Variants in CASD1 observed in about 807,000 individuals in gnomAD.
CASD1 encodes the protein CAS1 domain sialic acid O acetyltransferase 1, also known as N-acetylneuraminate (7)9-O-acetyltransferase.
In CASD1, 41 loss-of-function variants were observed where a neutral mutation model predicts 100.0. The observed-to-expected ratio is 0.41, with a 90% confidence interval of 0.32 to 0.53. The LOEUF (loss-of-function observed/expected upper bound fraction) is 0.53, where lower values mean the gene tolerates loss of function less well. Ranked by LOEUF, CASD1 falls within the 20% of genes least tolerant of loss-of-function variation. The pLI, the probability that CASD1 is intolerant of heterozygous loss-of-function variation, is 0.25. For missense variants in CASD1, 774 were observed against 948.7 expected, an observed-to-expected ratio of 0.82 and a Z score of 2.42; for synonymous variants, 321 against 315.6, an observed-to-expected ratio of 1.02 and a Z score of -0.18.
At chr7:94,559,528 T>C (rs1796305876), downstream of CASD1, among the ~76,000 whole-genome samples, 1 of 152,050 alleles carries the variant, frequency 6.6e-6, no homozygotes. Flanking sequence ...GTTTTGCTTT[T>C]GTTTTGTTTT....
At chr7:94,563,443 T>C in the CASD1 span, among the ~76,000 whole-genome samples, 1 of 152,108 alleles carries the variant, frequency 6.6e-6, no homozygotes, top group African/African-American at 2.4e-5. Flanking sequence ...CCACTTTCAA[T>C]TTTTTTCTTA....
At chr7:94,552,169 G>C in intron 15 of CASD1, 181 bp from the exon 16 acceptor site, 1 of 548,640 alleles carries the variant, frequency 1.8e-6, no homozygotes, top group Non-Finnish European at 3.1e-6. Flanking sequence ...CTTATGTTTG[G>C]ACAGTTGAAC....
At chr7:94,562,502 C>G in the CASD1 span, among the ~76,000 whole-genome samples, 1 of 152,140 alleles carries the variant, frequency 6.6e-6, no homozygotes. Context: ...ATTAGGGTCC[C>G]TGAGTTGCTC....
At chr7:94,519,254 A>C (rs961567702) in intron 3 of CASD1, among the ~76,000 whole-genome samples, 2 of 152,166 alleles carry the variant, frequency 1.3e-5, no homozygotes, top group Non-Finnish European at 2.9e-5. Flanking sequence ...TCTTCTGTTT[A>C]TACCTTTTTA....
At chr7:94,613,786 T>C in the CASD1 span, among the ~76,000 whole-genome samples, 3 of 152,266 alleles carry the variant, frequency 2.0e-5, no homozygotes, top group South Asian at 6.2e-4. Context: ...AAAAGACAGT[T>C]TAGAGAAGAA....
At chr7:94,544,276 T>G in intron 10 of CASD1, 135 bp from the exon 11 acceptor site, 2 of 1,090,980 alleles carry the variant, frequency 1.8e-6, no homozygotes, top group East Asian at 5.2e-5. Flanking sequence ...GACTAACTTT[T>G]GAGAATCAAC....
chr7:94,596,209 G>A, the CASD1 span, among the ~76,000 whole-genome samples: 2 of 152,128 alleles, frequency 1.3e-5, no homozygotes, highest in Non-Finnish European at 2.9e-5. Context: ...TCCATTTGGT[G>A]TAAACTAGAT....
intron 1 of CASD1, among the ~76,000 whole-genome samples, chr7:94,513,287 CAAAAAAA>C (rs766687618): frequency 1.6e-5 from 1 of 63,844 alleles, no homozygotes; most frequent in Non-Finnish European, 3.8e-5. Flanking sequence ...GATCGCATCC[CAAAAAAA>C]AAAAAAAAAA....
At chr7:94,598,418 A>G in the CASD1 span, 5 of 253,202 alleles carry the variant, frequency 2.0e-5, no homozygotes. Context: ...TAAACCAAAT[A>G]ATTCTAATAT....
chr7:94,603,327 C>T, the CASD1 span: 303 of 1,612,452 alleles, frequency 1.9e-4, no homozygotes, highest in Non-Finnish European at 2.5e-4. Context: ...AAATTGAGTA[C>T]GAAATTTTTT....
chr7:94,531,364 G>A (rs1794841960), intron 5 of CASD1, among the ~76,000 whole-genome samples: 1 of 152,094 alleles, frequency 6.6e-6, no homozygotes, highest in Admixed American at 6.6e-5. Flanking sequence ...AGATAGCTGG[G>A]GGAGTATAGA....
chr7:94,519,121 T>C (rs1360851492), intron 3 of CASD1, among the ~76,000 whole-genome samples: 1 of 152,200 alleles, frequency 6.6e-6, no homozygotes, highest in African/African-American at 2.4e-5. Context: ...AATAAGTTTC[T>C]GTTATTGATT....
intron 3 of CASD1, among the ~76,000 whole-genome samples, chr7:94,521,672 A>G (rs560554074): frequency 3.9e-5 from 6 of 152,234 alleles, no homozygotes; most frequent in Non-Finnish European, 7.3e-5. Context: ...CATGTACCAT[A>G]CATATACATA....
the CASD1 span, among the ~76,000 whole-genome samples, chr7:94,579,998 T>C: frequency 6.6e-6 from 1 of 152,140 alleles, no homozygotes; most frequent in Non-Finnish European, 1.5e-5. Flanking sequence ...TCAACACTAT[T>C]TCCAAAGTAT....
At chr7:94,595,403 G>A in the CASD1 span, among the ~76,000 whole-genome samples, 17 of 152,094 alleles carry the variant, frequency 1.1e-4, no homozygotes, top group Non-Finnish European at 2.2e-4. Flanking sequence ...AATATTTCCG[G>A]TATCAATCTG....
intron 10 of CASD1, among the ~76,000 whole-genome samples, chr7:94,541,856 A>G (rs1467707598): frequency 6.6e-6 from 1 of 151,940 alleles, no homozygotes; most frequent in East Asian, 1.9e-4. Context: ...TTCCTAAGAC[A>G]TAGGTGGTGA....
chr7:94,569,683 G>T, the CASD1 span, among the ~76,000 whole-genome samples: 1 of 151,702 alleles, frequency 6.6e-6, no homozygotes, highest in Non-Finnish European at 1.5e-5. Flanking sequence ...GCCTCAAGTG[G>T]TCCTCCCACC....
chr7:94,527,058 A>G (rs1421847980), intron 3 of CASD1, 104 bp from the exon 4 acceptor site: 5 of 862,750 alleles, frequency 5.8e-6, no homozygotes, highest in Non-Finnish European at 9.2e-6. Flanking sequence ...ATAAAAATAT[A>G]TCAACAAAAA....
At chr7:94,536,099 T>C (rs1010604146) in intron 8 of CASD1, among the ~76,000 whole-genome samples, 6 of 151,922 alleles carry the variant, frequency 3.9e-5, no homozygotes, top group African/African-American at 1.5e-4. Context: ...AAAAATTAGC[T>C]GGGTGTGGTG....
Sources: gnomAD v4.1 joint callset for allele counts (sites outside exome capture counted in the v4.1 genomes callset) on GRCh38, gnomAD v4.1.1 for gene constraint, MANE v1.5 for transcripts, NCBI Gene and HGNC (gene_info 2026-07-23, HGNC 2026-07-21) for gene names.